Variants in SPATC1 observed in about 807,000 individuals in gnomAD.
SPATC1 encodes the protein spermatogenesis and centriole associated 1.
A neutral mutation model predicts 36.5 loss-of-function variants in SPATC1; 35 were observed. The observed-to-expected ratio is 0.96, with a 90% CI of 0.73 to 1.27. The LOEUF (loss-of-function observed/expected upper bound fraction) is 1.27. SPATC1 is among the 50% of genes most tolerant of loss of function. The pLI is 0.00. For synonymous variants in SPATC1, 361 were observed against 353.6 expected (o/e 1.02, Z -0.24); for missense variants, 779 against 796.0 (o/e 0.98, Z 0.26).
At chr8:144,031,715 C>CTTTTTTTTTTTTTTTTTTTTTTTTT (rs1834800066) in intron 1 of SPATC1, among the ~76,000 whole-genome samples, 1 of 140,062 alleles carries the variant, frequency 7.1e-6, no homozygotes. Flanking sequence ...CTTTTTTTTT[C>CTTTTTTTTTTTTTTTTTTTTTTTTT]TTTCTTTCTT....
intron 1 of SPATC1, among the ~76,000 whole-genome samples, chr8:144,028,534 A>G (rs1265090017): frequency 6.6e-6 from 1 of 152,242 alleles, no homozygotes; most frequent in Non-Finnish European, 1.5e-5. Flanking sequence ...AATGGCAATT[A>G]TTAAAAAGTC....
chr8:144,034,266 G>A (rs929080244), intron 1 of SPATC1, among the ~76,000 whole-genome samples: 2 of 152,308 alleles, frequency 1.3e-5, no homozygotes, highest in Non-Finnish European at 2.9e-5. Flanking sequence ...GCACAGGCTG[G>A]GAAGGAAGCA....
Position 144,046,066 on chromosome 8 carries a change from A to G in SPATC1, c.1447-561A>G, listed in dbSNP as rs1448148396. ...GACAGGCCCCTCAGCGCTGGGGCCA[A>G]CACTTGCCTGGGGTTGTCAGTTCAG... On this transcript the variant is annotated intron_variant, in intron 4 of 4. Transcript: ENST00000377470. The surrounding 1 kb of genome is among the most constrained non-coding windows in gnomAD (Gnocchi z 6.6). Among the ~76,000 whole-genome samples the G allele has an allele frequency of 6.6e-6, 1 of 152,136 alleles. No individual in the cohort carries two copies. The highest frequency in any genetic ancestry group is 6.5e-5 in the Admixed American group (1 of 15,284).
intron 1 of SPATC1, among the ~76,000 whole-genome samples, chr8:144,038,636 A>G (rs143374089): frequency 0.12 from 17,931 of 151,790 alleles, 3,042 homozygotes; most frequent in African/African-American, 0.37. Flanking sequence ...CACCAGGCCC[A>G]GCTAATTTTT....
chr8:144,023,101 C>G lies in SPATC1; in HGVS notation c.211+10375C>G, dbSNP rs1182422439. Among the ~76,000 whole-genome samples the G allele has an allele frequency of 1.3e-3, 148 of 115,608 alleles. 4 individuals carry two copies. The East Asian group carries it at 0.038, about 29-fold the overall frequency. 75.8% of individuals were successfully genotyped at this position (115,608 alleles called of 152,430 possible). A position where few individuals can be genotyped will look rare whatever the true frequency, so the allele number is the denominator to read the frequency against. On this transcript the variant is annotated intron_variant, in intron 1 of 4. Coordinates refer to ENST00000377470, the MANE Select transcript of SPATC1 (RefSeq NM_198572.3). ...GACCCTCTCTCCTCAGGACCCTCTT[C>G]TCTCAGGACTCCTTTCCCTCAGGAC... is the stretch of plus-strand genomic sequence containing the variant.
chr8:144,042,589 G>C (rs1290533201), intron 4 of SPATC1, among the ~76,000 whole-genome samples: 2 of 151,642 alleles, frequency 1.3e-5, no homozygotes, highest in Non-Finnish European at 2.9e-5. Flanking sequence ...CCGAAAGTGC[G>C]GGGATGACAG....
intron 1 of SPATC1, among the ~76,000 whole-genome samples, chr8:144,025,559 G>A (rs1040196613): frequency 2.0e-5 from 3 of 152,142 alleles, no homozygotes; most frequent in African/African-American, 7.2e-5. Context: ...GAAATCACTT[G>A]TACATATTGC....
chr8:144,041,243 C>G lies in SPATC1; in HGVS notation c.1318C>G (p.Leu440Val), dbSNP rs1472798082. The G allele has an allele frequency of 1.9e-6, 3 of 1,613,192 alleles. No individual in the cohort carries two copies. The East Asian group carries it at 6.7e-5, about 36-fold the overall frequency. ...FPENPRESKQ[L>V]AWERLVGEIA... Reference sequence around the variant, plus strand: ...CCCTGTGTCCCCAGAGTCGAAGCAGCTGGCCTGGGAGAGGCTGGTGGGTGA... The same window carrying G: ...CCCTGTGTCCCCAGAGTCGAAGCAGGTGGCCTGGGAGAGGCTGGTGGGTGA... Residue 440 changes from leucine (L) to valine (V), a missense_variant, in exon 4 of 5, where the codon CTG (leucine) becomes GTG (valine). Transcript: ENST00000377470.
In SPATC1 at chr8:144,024,628, C is replaced by T. The variant is rs932688867; in HGVS notation, c.211+11902C>T. Among the ~76,000 whole-genome samples, 1,051 of 151,606 alleles carry T rather than the reference C, an allele frequency of 6.9e-3. 8 individuals carry two copies. Among genetic ancestry groups the T allele is most frequent in the African/African-American group, 0.024 (991 of 41,272 alleles). On this transcript the variant is annotated intron_variant, in intron 1 of 4. Coordinates refer to ENST00000377470, the MANE Select transcript of SPATC1 (RefSeq NM_198572.3). The stretch of plus-strand genomic sequence containing the variant: ...ACCCTCTCTCCTGAAGAACCTGTCC[C>T]CTCAGGACCTTCCCCTTCATGACCC...
chr8:144,040,854 C>A lies in SPATC1; in HGVS notation c.1053C>A (p.Pro351=). The A allele has an allele frequency of 4.4e-6, 7 of 1,588,174 alleles. No individual in the cohort carries two copies. The highest frequency in any genetic ancestry group is 6.0e-6 in the Non-Finnish European group (7 of 1,167,068). The part of the protein sequence containing the change: ...LAPQVATSYT[P]SSTTHIAQGA... ...CCCAGGTTGCCACCAGCTACACACC[C>A]TCAAGCACCACCCACATCGCCCAGG... Residue 351 remains proline, a synonymous_variant, in exon 3 of 5, where the codon CCC becomes CCA. Transcript: ENST00000377470.
Position 144,040,774 on chromosome 8 carries a change from T to TCCCC in SPATC1, c.975_978dup (p.Thr327ProfsTer45). Reference sequence around the variant, plus strand: ...AGTGGTCCCTGCATCTGTCCCCACCTCCCCCACCACCTCCCCCACGGTCAC... The same window carrying TCCCC: ...AGTGGTCCCTGCATCTGTCCCCACCTCCCCCCCCCACCACCTCCCCCACGGTCAC... On this transcript the variant is annotated frameshift_variant, in exon 3 of 5. Coordinates refer to ENST00000377470, the MANE Select transcript of SPATC1 (RefSeq NM_198572.3). LOFTEE classifies it high-confidence loss of function. 8 of 1,352,918 alleles carry TCCCC rather than the reference T, an allele frequency of 5.9e-6. No individual in the cohort carries two copies. Among genetic ancestry groups the TCCCC allele is most frequent in the East Asian group, 2.9e-5 (1 of 34,956 alleles). 83.8% of individuals were successfully genotyped at this position (1,352,918 alleles called of 1,614,324 possible). A position where few individuals can be genotyped will look rare whatever the true frequency, so the allele number is the denominator to read the frequency against.
At chr8:144,013,656 A>G (rs1554752751) in intron 1 of SPATC1, among the ~76,000 whole-genome samples, 1 of 152,174 alleles carries the variant, frequency 6.6e-6, no homozygotes, top group Non-Finnish European at 1.5e-5. Context: ...GAGAGGGTAA[A>G]AAGAATAATA....
At chr8:144,030,198 G>A (rs1458039728) in intron 1 of SPATC1, among the ~76,000 whole-genome samples, 3 of 152,234 alleles carry the variant, frequency 2.0e-5, no homozygotes, top group South Asian at 2.1e-4. Context: ...TCTAAAGTGA[G>A]TCTCTTTTAG....
At position 144,026,952 on chromosome 8, in the gene SPATC1, G is replaced by A. The variant is rs1834691384; in HGVS notation, c.212-12957G>A. 6.7e-5 allele frequency among the ~76,000 whole-genome samples: 10 copies of A among 148,732 alleles called. No homozygotes were observed. In the South Asian group the frequency reaches 2.1e-3, roughly 32 times the overall value. ...AGCCTCCTGAATAGCTGAGACTACA[G>A]GCGCCCACCACCACGCCCTGCTAAT... On this transcript the variant is annotated intron_variant, in intron 1 of 4. Transcript: ENST00000377470.
chr8:144,020,736 C>T (rs925307003), intron 1 of SPATC1, among the ~76,000 whole-genome samples: 24 of 147,792 alleles, frequency 1.6e-4, no homozygotes, highest in Non-Finnish European at 2.8e-4. Flanking sequence ...CCCTCAGGAG[C>T]CTCTTCCCTC....
Position 144,046,759 on chromosome 8 carries a change from C to G in SPATC1, c.1579C>G (p.Gln527Glu), listed in dbSNP as rs1410360901. 22 of 1,611,464 alleles carry G rather than the reference C, an allele frequency of 1.4e-5. No homozygotes were observed. Among genetic ancestry groups the G allele is most frequent in the Non-Finnish European group, 1.9e-5 (22 of 1,179,998 alleles). The part of the protein sequence containing the change: ...NGRVHPALTE[Q>E]LVNAYGILRE... ...GCGGGTGCACCCTGCGCTGACCGAG[C>G]AGCTGGTGAACGCTTATGGCATCCT... is the stretch of plus-strand genomic sequence containing the variant. Residue 527 changes from glutamine (Q) to glutamate (E), a missense_variant, in exon 5 of 5, where the codon CAG becomes GAG. Coordinates refer to ENST00000377470, the MANE Select transcript of SPATC1 (RefSeq NM_198572.3). The surrounding 1 kb of genome is among the most constrained non-coding windows in gnomAD (Gnocchi z 6.6).
At chr8:144,025,778 G>A (rs945824248) in intron 1 of SPATC1, among the ~76,000 whole-genome samples, 45 of 152,154 alleles carry the variant, frequency 3.0e-4, no homozygotes, top group African/African-American at 1.1e-3. Context: ...CCCAGTGTGA[G>A]CAGGGCATAT....
Position 144,040,192 on chromosome 8 carries a change from G to A in SPATC1, c.495G>A (p.Leu165=), listed in dbSNP as rs149647972. Reference sequence around the variant, plus strand: ...TGGGCCTGCCCTCCACTGGCACCCTGACTCCCAGCAGCCTCGTGGCAGGCC... The same window carrying A: ...TGGGCCTGCCCTCCACTGGCACCCTAACTCCCAGCAGCCTCGTGGCAGGCC... ...SSLGLPSTGT[L]TPSSLVAGPV... Residue 165 remains leucine, a synonymous_variant, in exon 2 of 5, where the codon CTG becomes CTA. Transcript: ENST00000377470. The A allele has an allele frequency of 3.5e-5, 56 of 1,612,016 alleles. No homozygotes were observed. Among genetic ancestry groups the A allele is most frequent in the Non-Finnish European group, 4.7e-5 (55 of 1,179,680 alleles).
chr8:144,046,611 G>A lies in SPATC1; in HGVS notation c.1447-16G>A. On this transcript the variant is annotated splice_polypyrimidine_tract_variant and intron_variant, in intron 4 of 4. Transcript: ENST00000377470. The surrounding 1 kb of genome is among the most constrained non-coding windows in gnomAD (Gnocchi z 6.6). ...GTGTGGCAAGGGAGGGTCCCTGATG[G>A]CCGCTGTCCCCACAGGCTTCCCTGA... The A allele has an allele frequency of 6.3e-7, 1 of 1,596,468 alleles. No individual in the cohort carries two copies. The highest frequency in any genetic ancestry group is 8.5e-7 in the Non-Finnish European group (1 of 1,173,254).
Sources: allele counts gnomAD v4.1 joint callset (sites outside exome capture counted in the v4.1 genomes callset), GRCh38; gene constraint gnomAD v4.1.1; non-coding constraint Gnocchi (gnomAD v3.1); transcripts MANE v1.5; gene names NCBI Gene and HGNC (gene_info 2026-07-23, HGNC 2026-07-21).